Variants in DNM2 observed in about 807,000 individuals in gnomAD.
DNM2 encodes the protein dynamin-2.
DNM2 carries 15 observed loss-of-function variants against 99.0 expected under a neutral mutation model. The observed-to-expected ratio is 0.15, with a 90% confidence interval of 0.10 to 0.23. The LOEUF (loss-of-function observed/expected upper bound fraction) is 0.23, where lower values mean the gene tolerates loss of function less well. DNM2 is among the 10% of genes least tolerant of loss of function. The probability of loss-of-function intolerance (pLI) is 1.00; values close to 1 mark genes in which losing one functional copy is unlikely to be tolerated. For missense variants in DNM2, 742 were observed against 1,189.4 expected (o/e 0.62, Z 5.53); for synonymous variants, 525 against 481.2 (o/e 1.09, Z -1.19).
At chr19:10,733,394 T>C (rs1192812956) in intron 1 of DNM2, among the ~76,000 whole-genome samples, 3 of 151,420 alleles carry the variant, frequency 2.0e-5, no homozygotes, top group Non-Finnish European at 2.9e-5. Flanking sequence ...GGTTTCTCCA[T>C]GTTGCCCAGG....
rs1314656830 is a variant in DNM2 at position 10,785,893 on chromosome 19, C to T, written c.850-671C>T. 2.0e-5 allele frequency among the ~76,000 whole-genome samples: 3 copies of T among 150,196 alleles called. No individual in the cohort carries two copies. The East Asian group carries it at 5.9e-4, about 29-fold the overall frequency. On this transcript the variant is annotated intron_variant, in intron 6 of 20. Coordinates refer to ENST00000389253, the MANE Select transcript of DNM2 (RefSeq NM_001005361.3). ...TTGTGTGATCTCGGCCCACTGCAACCTCCACCTCCCGAGTTCTTTCTCAGC... is the reference window on the plus strand; with the variant it reads ...TTGTGTGATCTCGGCCCACTGCAACTTCCACCTCCCGAGTTCTTTCTCAGC...
At position 10,796,342 on chromosome 19, in the gene DNM2, C is replaced by G. The variant is rs1266459025; in HGVS notation, c.1196+903C>G. ...TTGTGTCCGTGAACTTGGCCTCTCC[C>G]CAGAGGCTGGGGCAGGAGCATGTAG... On this transcript the variant is annotated intron_variant, in intron 9 of 20. Transcript: ENST00000389253. This position sits in a 1 kb window ranked among gnomAD's most constrained non-coding sequence, Gnocchi z 5.6. 7.7e-7 allele frequency: 1 copy of G among 1,297,134 alleles called. No individual in the cohort carries two copies. The allele number at this position is 1,297,134 out of a possible 1,614,324, so 80.4% of individuals were successfully genotyped here. A position where few individuals can be genotyped will look rare whatever the true frequency, so the allele number is the denominator to read the frequency against.
chr19:10,791,838 C>A (rs918067734), intron 7 of DNM2, among the ~76,000 whole-genome samples: 2 of 152,180 alleles, frequency 1.3e-5, no homozygotes, highest in Non-Finnish European at 2.9e-5. Context: ...GTAATCCCAG[C>A]ACTTTGGGAG....
At chr19:10,725,362 C>T (rs1157798756) in intron 1 of DNM2, among the ~76,000 whole-genome samples, 1 of 151,292 alleles carries the variant, frequency 6.6e-6, no homozygotes, top group Non-Finnish European at 1.5e-5. Context: ...AGGAGAATCA[C>T]TTGAACCCAG....
chr19:10,793,675 G>T, intron 7 of DNM2, 45 bp from the exon 8 acceptor site: 2 of 1,614,164 alleles, frequency 1.2e-6, no homozygotes, highest in South Asian at 1.1e-5. Flanking sequence ...CCAGAGTAGT[G>T]TGGAAACCTC....
At chr19:10,789,458 G>C (rs2071676498) in intron 7 of DNM2, among the ~76,000 whole-genome samples, 1 of 151,940 alleles carries the variant, frequency 6.6e-6, no homozygotes, top group African/African-American at 2.4e-5. Context: ...GGGATGCCAA[G>C]TCAGGAGGAT....
At chr19:10,823,971 G>C in intron 17 of DNM2, 72 bp downstream of exon 17, 1 of 1,476,502 alleles carries the variant, frequency 6.8e-7, no homozygotes, top group South Asian at 1.1e-5. Flanking sequence ...GCTTTCCCCA[G>C]GACAGGTCAT....
At chr19:10,735,322 G>T (rs2069484023) in intron 1 of DNM2, among the ~76,000 whole-genome samples, 1 of 151,794 alleles carries the variant, frequency 6.6e-6, no homozygotes, top group Non-Finnish European at 1.5e-5. Flanking sequence ...ACAGGCGTAA[G>T]CCACCTCGTC....
chr19:10,727,458 T>A (rs866126019), intron 1 of DNM2, among the ~76,000 whole-genome samples: 2 of 152,058 alleles, frequency 1.3e-5, no homozygotes, highest in East Asian at 3.9e-4. Context: ...CTCAACTTCC[T>A]GGGCTCAAGG....
intron 2 of DNM2, among the ~76,000 whole-genome samples, chr19:10,762,092 G>C (rs561585064): frequency 6.6e-5 from 10 of 152,182 alleles, no homozygotes; most frequent in Non-Finnish European, 1.3e-4. Context: ...CCAAGCTGGA[G>C]TACAGTGGCG....
chr19:10,729,475 C>A (rs2069235171), intron 1 of DNM2, among the ~76,000 whole-genome samples: 1 of 152,082 alleles, frequency 6.6e-6, no homozygotes, highest in Admixed American at 6.6e-5. Flanking sequence ...GGATGGGTGT[C>A]CTGCAGTGGA....
chr19:10,747,386 G>A (rs556930137), intron 1 of DNM2, among the ~76,000 whole-genome samples: 3 of 152,268 alleles, frequency 2.0e-5, no homozygotes, highest in South Asian at 2.1e-4. Context: ...CCACGATCAC[G>A]AATTGCCACA....
Position 10,793,864 on chromosome 19 carries a change from C to T in DNM2, c.1128+9C>T. 6.2e-7 allele frequency: 1 copy of T among 1,614,094 alleles called. No homozygotes were observed. Among genetic ancestry groups the T allele is most frequent in the Non-Finnish European group, 8.5e-7 (1 of 1,180,006 alleles). On this transcript the variant is annotated intron_variant, in intron 8 of 20. Transcript: ENST00000389253. ...CATTTGAGCTGGTGAAGGTAGTGCC[C>T]CCCGGGGCTGGGCCCTCCCGTCTCT... is the stretch of plus-strand genomic sequence containing the variant.
intron 1 of DNM2, among the ~76,000 whole-genome samples, chr19:10,740,444 T>C (rs573877416): frequency 6.6e-6 from 1 of 152,126 alleles, no homozygotes; most frequent in African/African-American, 2.4e-5. Flanking sequence ...GGCACGATCT[T>C]GGCTCACTGC....
chr19:10,721,816 T>G (rs547459268), intron 1 of DNM2, among the ~76,000 whole-genome samples: 1 of 152,312 alleles, frequency 6.6e-6, no homozygotes, highest in Admixed American at 6.5e-5. Context: ...CTGCTGGGTC[T>G]TTTGTTTTAC....
intron 5 of DNM2, among the ~76,000 whole-genome samples, chr19:10,779,424 A>G (rs1248322054): frequency 7.9e-6 from 1 of 127,324 alleles, no homozygotes; most frequent in Non-Finnish European, 1.6e-5. Context: ...TCACCACCCC[A>G]CCCCACATCC....
At chr19:10,720,128 G>T (rs1183383695) in intron 1 of DNM2, among the ~76,000 whole-genome samples, 1 of 152,068 alleles carries the variant, frequency 6.6e-6, no homozygotes, top group Admixed American at 6.6e-5. Flanking sequence ...TCTTTCACTT[G>T]CCTTGTGACC....
Position 10,817,599 on chromosome 19 carries a change from T to G in DNM2, c.1672-2381T>G, listed in dbSNP as rs572959100. On this transcript the variant is annotated intron_variant, in intron 15 of 20. Coordinates refer to ENST00000389253, the MANE Select transcript of DNM2 (RefSeq NM_001005361.3). The surrounding 1 kb of genome is among the most constrained non-coding windows in gnomAD (Gnocchi z 4.6). Reference sequence around the variant, plus strand: ...GAGCAGCCAAGGAAACCACCACTCTTCCCGAGACGATCCGCTCTGTCCCTT... The same window carrying G: ...GAGCAGCCAAGGAAACCACCACTCTGCCCGAGACGATCCGCTCTGTCCCTT... 1 of 340,974 alleles carries G rather than the reference T, an allele frequency of 2.9e-6. No individual in the cohort carries two copies. The highest frequency in any genetic ancestry group is 2.1e-5 in the South Asian group (1 of 46,812). 21.1% of individuals were successfully genotyped at this position (340,974 alleles called of 1,614,324 possible).
In DNM2 at chr19:10,746,732, TTG is replaced by T. The variant is rs1455695419; in HGVS notation, c.162-13004_162-13003del. Among the ~76,000 whole-genome samples, 145 of 118,054 alleles carry T rather than the reference TTG, an allele frequency of 1.2e-3. 12 individuals carry two copies. Among genetic ancestry groups the T allele is most frequent in the African/African-American group, 4.5e-3 (125 of 27,560 alleles). 77.4% of individuals were successfully genotyped at this position (118,054 alleles called of 152,430 possible). On this transcript the variant is annotated intron_variant, in intron 1 of 20. Coordinates refer to ENST00000389253, the MANE Select transcript of DNM2 (RefSeq NM_001005361.3). ...ACCGTGCCGGCTTTTTTTTTGTTTT[TTG>T]TTTTTTTTTTTTTTGAGACAGTCTC... is the stretch of plus-strand genomic sequence containing the variant.
Sources: gnomAD v4.1 joint callset for allele counts (sites outside exome capture counted in the v4.1 genomes callset) on GRCh38, gnomAD v4.1.1 for gene constraint, Gnocchi (gnomAD v3.1) non-coding constraint, MANE v1.5 for transcripts, NCBI Gene and HGNC (gene_info 2026-07-23, HGNC 2026-07-21) for gene names.